PLCH1: variants seen among roughly 807,000 people sequenced by gnomAD.
PLCH1 encodes 1-phosphatidylinositol 4,5-bisphosphate phosphodiesterase eta-1.
In PLCH1, 60 loss-of-function variants were observed where a neutral mutation model predicts 126.7. The ratio of observed to expected loss-of-function variants is 0.47; its 90% CI spans 0.38 to 0.59. The LOEUF (loss-of-function observed/expected upper bound fraction) is 0.59. Ranked by LOEUF, PLCH1 falls within the 20% of genes least tolerant of loss-of-function variation. The pLI is 0.00. For missense variants in PLCH1, 1,723 were observed against 2,040.0 expected (o/e 0.84, Z 2.99); for synonymous variants, 719 against 734.9 (o/e 0.98, Z 0.35).
At chr3:155,484,035 C>T (rs937351169) in intron 22 of PLCH1, among the ~76,000 whole-genome samples, 5 of 152,060 alleles carry the variant, frequency 3.3e-5, no homozygotes, top group African/African-American at 9.7e-5. Context: ...ACCACTGAGA[C>T]AGCCACTGTA....
chr3:155,500,806 A>G lies in PLCH1; in HGVS notation c.1705-12T>C, dbSNP rs112613058. 6.5e-4 allele frequency: 1,014 copies of G among 1,558,160 alleles called. 6 individuals are homozygous for G. In the African/African-American group the frequency reaches 0.011, roughly 17 times the overall value. ...GATTTTGTAGTTTTCTGCCAGAAAA[A>G]TCAAAACAAACTTAACAAACTCATT... On this transcript the variant is annotated splice_polypyrimidine_tract_variant and intron_variant, in intron 13 of 22. Transcript: ENST00000460012.
At position 155,659,166 on chromosome 3, in the gene PLCH1, T is replaced by C. The variant is rs1383788834; in HGVS notation, c.79+44980A>G. 2.0e-5 allele frequency among the ~76,000 whole-genome samples: 3 copies of C among 152,206 alleles called. No individual in the cohort carries two copies. In the East Asian group the frequency reaches 5.8e-4, roughly 29 times the overall value. On this transcript the variant is annotated intron_variant, in intron 2 of 22. Transcript: ENST00000460012. ...AAGAAGCAATGGGGCTGAAGGACACTGGGCACAGTTAAATTCCTAGTTCGT... is the reference window on the plus strand; with the variant it reads ...AAGAAGCAATGGGGCTGAAGGACACCGGGCACAGTTAAATTCCTAGTTCGT...
chr3:155,729,717 G>T (rs1748613370), intron 1 of PLCH1, among the ~76,000 whole-genome samples: 1 of 152,146 alleles, frequency 6.6e-6, no homozygotes, highest in Admixed American at 6.6e-5. Flanking sequence ...GAGCCCAGCA[G>T]TTCAAGACCA....
intron 3 of PLCH1, 84 bp from the exon 4 acceptor site, chr3:155,594,268 C>T (rs1732615384): frequency 7.8e-7 from 1 of 1,281,794 alleles, no homozygotes; most frequent in Non-Finnish European, 1.1e-6. Flanking sequence ...AAAGCAAAAT[C>T]ATTTTAAATA....
rs114959100 is a variant in PLCH1, at chr3:155,673,976, C to T, written c.79+30170G>A. Among the ~76,000 whole-genome samples the T allele has an allele frequency of 5.5e-3, 833 of 152,242 alleles. 8 individuals are homozygous for T. The highest frequency in any genetic ancestry group is 0.019 in the African/African-American group (782 of 41,554). On this transcript the variant is annotated intron_variant, in intron 2 of 22. Coordinates refer to ENST00000460012, the MANE Select transcript of PLCH1 (RefSeq NM_014996.4). ...TATACCATCTTACATATCTGGGGTC[C>T]TTTTCTATCTTTCAAATGCTTTCAG... is the stretch of plus-strand genomic sequence containing the variant.
At chr3:155,469,100 G>A (rs571966479) in intron 21 of PLCH1, among the ~76,000 whole-genome samples, 53 of 152,198 alleles carry the variant, frequency 3.5e-4, no homozygotes, top group Admixed American at 3.9e-4. Flanking sequence ...GAACAGCTCC[G>A]GTCTACAGCT....
At chr3:155,624,296 ACTGAATGGG>A (rs1301820147) in intron 2 of PLCH1, among the ~76,000 whole-genome samples, 2 of 152,228 alleles carry the variant, frequency 1.3e-5, no homozygotes, top group Non-Finnish European at 2.9e-5. Context: ...CTAATATCAT[ACTGAATGGG>A]CAAAAACTGG....
chr3:155,494,523 A>G lies in PLCH1; in HGVS notation c.1895-6T>C. 1 of 1,526,086 alleles carries G rather than the reference A, an allele frequency of 6.6e-7. No individual in the cohort carries two copies. Among genetic ancestry groups the G allele is most frequent in the Non-Finnish European group, 8.7e-7 (1 of 1,146,286 alleles). 94.5% of individuals were successfully genotyped at this position (1,526,086 alleles called of 1,614,324 possible). A position where few individuals can be genotyped will look rare whatever the true frequency, so the allele number is the denominator to read the frequency against. ...TAACACATTTCCTGTGGTTCCTGGC[A>G]GTTTTTAATCGAGAAAAAAGGAAGT... On this transcript the variant is annotated splice_polypyrimidine_tract_variant and splice_region_variant and intron_variant, in intron 15 of 22. Transcript: ENST00000460012.
At chr3:155,599,305 G>C (rs1413193063) in intron 2 of PLCH1, among the ~76,000 whole-genome samples, 1 of 152,114 alleles carries the variant, frequency 6.6e-6, no homozygotes, top group Non-Finnish European at 1.5e-5. Flanking sequence ...AAGAAAAAGA[G>C]AATAGAGTAG....
chr3:155,704,199 C>CT lies in PLCH1; in HGVS notation c.25dup (p.Arg9LysfsTer20). The CT allele has an allele frequency of 1.6e-6, 2 of 1,229,940 alleles. No homozygotes were observed. The highest frequency in any genetic ancestry group is 1.6e-5 in the African/African-American group (1 of 64,490). 76.2% of individuals were successfully genotyped at this position (1,229,940 alleles called of 1,614,324 possible). A position where few individuals can be genotyped will look rare whatever the true frequency, so the allele number is the denominator to read the frequency against. On this transcript the variant is annotated frameshift_variant, in exon 2 of 23. Transcript: ENST00000460012. LOFTEE classifies it high-confidence loss of function. ...ATGCCTGCGGTACTGCACACAGTTC[C>CT]TTTTTTCCAAGTTCCAGTAACTCAT...
intron 6 of PLCH1, among the ~76,000 whole-genome samples, chr3:155,571,435 G>C (rs565937009): frequency 1.3e-5 from 2 of 152,200 alleles, no homozygotes; most frequent in Admixed American, 6.5e-5. Context: ...TTTGGAGATG[G>C]AGTCTTGCCC....
At chr3:155,491,035 G>C (rs1029220752) in intron 18 of PLCH1, among the ~76,000 whole-genome samples, 167 bp from the exon 19 acceptor site, 2 of 152,308 alleles carry the variant, frequency 1.3e-5, no homozygotes, top group African/African-American at 2.4e-5. Context: ...AGATATATGA[G>C]ACAAGTATAA....
rs187480514 is a variant in PLCH1, at chr3:155,503,249, A to G, written c.1704+1306T>C. 8.5e-5 allele frequency among the ~76,000 whole-genome samples: 13 copies of G among 152,310 alleles called. No individual in the cohort carries two copies. The East Asian group carries it at 2.3e-3, about 27-fold the overall frequency. Reference sequence around the variant, plus strand: ...TGTCATTCCTTTCTCTGTGAAGGTAATAACTATTCTGATGTCTACTCTATA... The same window carrying G: ...TGTCATTCCTTTCTCTGTGAAGGTAGTAACTATTCTGATGTCTACTCTATA... On this transcript the variant is annotated intron_variant, in intron 13 of 22. Coordinates refer to ENST00000460012, the MANE Select transcript of PLCH1 (RefSeq NM_014996.4).
chr3:155,728,056 C>T (rs530296334), intron 1 of PLCH1, among the ~76,000 whole-genome samples: 33 of 152,290 alleles, frequency 2.2e-4, no homozygotes, highest in Middle Eastern at 6.8e-3. Context: ...GGCAAATGTC[C>T]TCAAGGCAAA....
chr3:155,571,156 T>G (rs1729172441), intron 6 of PLCH1, among the ~76,000 whole-genome samples: 1 of 152,134 alleles, frequency 6.6e-6, no homozygotes, highest in Non-Finnish European at 1.5e-5. Flanking sequence ...TAAAACAAAG[T>G]CAGAAGGGGT....
chr3:155,739,842 T>C (rs1214869433), intron 1 of PLCH1, among the ~76,000 whole-genome samples: 1 of 152,232 alleles, frequency 6.6e-6, no homozygotes, highest in East Asian at 1.9e-4. Context: ...CTCTTGATTA[T>C]TGTGTATTAT....
chr3:155,562,684 C>T (rs140325365), intron 8 of PLCH1, among the ~76,000 whole-genome samples: 1 of 152,302 alleles, frequency 6.6e-6, no homozygotes, highest in Non-Finnish European at 1.5e-5. Context: ...ACTTCTTTAA[C>T]AATTTGCTGA....
chr3:155,704,895 T>A lies in PLCH1; in HGVS notation c.-40-631A>T, dbSNP rs141377300. Among the ~76,000 whole-genome samples, 57 of 152,296 alleles carry A rather than the reference T, an allele frequency of 3.7e-4. No individual in the cohort carries two copies. The East Asian group carries it at 0.01, about 27-fold the overall frequency. ...AGCAGTGCCTGCTCCTACATAAGAC[T>A]TGCTCCATCACAGACACAGAGAAAC... On this transcript the variant is annotated intron_variant, in intron 1 of 22. Transcript: ENST00000460012.
At chr3:155,505,576 T>C (rs1307199511) in intron 12 of PLCH1, among the ~76,000 whole-genome samples, 3 of 152,074 alleles carry the variant, frequency 2.0e-5, no homozygotes, top group Non-Finnish European at 2.9e-5. Context: ...TAGATGCTAA[T>C]CAAAGATGCA....
Sources: allele counts gnomAD v4.1 joint callset (sites outside exome capture counted in the v4.1 genomes callset), GRCh38; gene constraint gnomAD v4.1.1; transcripts MANE v1.5; gene names NCBI Gene and HGNC (gene_info 2026-07-23, HGNC 2026-07-21).